FIRRM: variants seen among roughly 807,000 people sequenced by gnomAD.
FIRRM encodes FIGNL1-interacting regulator of recombination and mitosis.
the FIRRM span, chr1:169,837,220 C>T: frequency 1.0e-5 from 8 of 780,796 alleles, no homozygotes; most frequent in Non-Finnish European, 1.3e-5. Flanking sequence ...TCTCTGTTCT[C>T]TGTTTCTGTT....
chr1:169,824,580 G>A, the FIRRM span, among the ~76,000 whole-genome samples: 1 of 152,164 alleles, frequency 6.6e-6, no homozygotes, highest in African/African-American at 2.4e-5. Flanking sequence ...CAGGCTTTCT[G>A]TACCAACACT....
the FIRRM span, among the ~76,000 whole-genome samples, chr1:169,807,482 A>G: frequency 1.3e-5 from 2 of 152,222 alleles, no homozygotes; most frequent in East Asian, 3.8e-4. Flanking sequence ...ATGCTAGACC[A>G]CAAGTTTCAT....
At chr1:169,799,785 T>A in the FIRRM span, among the ~76,000 whole-genome samples, 1 of 152,150 alleles carries the variant, frequency 6.6e-6, no homozygotes, top group Non-Finnish European at 1.5e-5. Context: ...ACTCCTGAGC[T>A]CAAGTGATCC....
At chr1:169,840,717 A>G in the FIRRM span, among the ~76,000 whole-genome samples, 4 of 151,886 alleles carry the variant, frequency 2.6e-5, no homozygotes, top group African/African-American at 9.7e-5. Flanking sequence ...TCACTGTGTT[A>G]GCCAGGATGG....
the FIRRM span, among the ~76,000 whole-genome samples, chr1:169,814,354 TGTA>T: frequency 1.3e-5 from 2 of 152,222 alleles, no homozygotes; most frequent in African/African-American, 2.4e-5. Flanking sequence ...TGGTACATAT[TGTA>T]GTACTATTAG....
chr1:169,815,644 C>A, the FIRRM span, among the ~76,000 whole-genome samples: 1 of 152,208 alleles, frequency 6.6e-6, no homozygotes, highest in Admixed American at 6.5e-5. Context: ...TTTTGGCCAG[C>A]TTCTCTACTG....
At chr1:169,853,102 A>ATCTT in the FIRRM span, 1 of 967,442 alleles carries the variant, frequency 1.0e-6, no homozygotes, top group South Asian at 1.6e-5. Flanking sequence ...AGTGAAAATA[A>ATCTT]TCTTTATTTG....
the FIRRM span, among the ~76,000 whole-genome samples, chr1:169,801,613 A>G: frequency 3.4e-5 from 5 of 148,398 alleles, no homozygotes; most frequent in South Asian, 4.3e-4. Context: ...AAAAAAAAAA[A>G]AAAAGAAAAG....
At chr1:169,853,815 C>T in the FIRRM span, 1 of 1,590,726 alleles carries the variant, frequency 6.3e-7, no homozygotes, top group East Asian at 2.2e-5. Context: ...TGAAACAAAT[C>T]ATATGCAAAA....
chr1:169,844,578 G>C, the FIRRM span, among the ~76,000 whole-genome samples: 1 of 152,188 alleles, frequency 6.6e-6, no homozygotes, highest in African/African-American at 2.4e-5. Flanking sequence ...TTTAGTAGCT[G>C]TTTTTAATGG....
At chr1:169,806,964 A>G in the FIRRM span, among the ~76,000 whole-genome samples, 2 of 152,194 alleles carry the variant, frequency 1.3e-5, no homozygotes, top group African/African-American at 2.4e-5. Context: ...CCACATCACT[A>G]TCATCATCAC....
chr1:169,821,692 A>G, the FIRRM span: 3 of 1,610,866 alleles, frequency 1.9e-6, no homozygotes, highest in South Asian at 3.3e-5. Context: ...AATGCTGACT[A>G]CAGATTATTT....
chr1:169,815,333 C>T, the FIRRM span, among the ~76,000 whole-genome samples: 3 of 151,772 alleles, frequency 2.0e-5, no homozygotes, highest in Non-Finnish European at 2.9e-5. Context: ...AATGGTTACT[C>T]CATAGGTGGA....
the FIRRM span, chr1:169,830,594 T>C: frequency 8.5e-7 from 1 of 1,171,792 alleles, no homozygotes; most frequent in East Asian, 2.4e-5. Context: ...TAATGGCAGT[T>C]TTTAATGTCC....
the FIRRM span, chr1:169,843,857 C>T: frequency 2.7e-6 from 2 of 751,310 alleles, no homozygotes; most frequent in Non-Finnish European, 2.3e-6. Flanking sequence ...GAAATAGTTC[C>T]TTTAAACCTC....
At chr1:169,813,989 C>T in the FIRRM span, among the ~76,000 whole-genome samples, 4 of 152,160 alleles carry the variant, frequency 2.6e-5, no homozygotes, top group African/African-American at 9.7e-5. Context: ...AAGAATGACT[C>T]AATTTTTGTA....
chr1:169,852,058 A>G, the FIRRM span: 4 of 1,368,896 alleles, frequency 2.9e-6, no homozygotes, highest in Admixed American at 7.6e-5. Flanking sequence ...AAATAGATCT[A>G]GACATGTAAA....
At chr1:169,813,654 C>A in the FIRRM span, among the ~76,000 whole-genome samples, 18 of 152,244 alleles carry the variant, frequency 1.2e-4, no homozygotes, top group Admixed American at 3.9e-4. Context: ...TTCATGCAGA[C>A]CAATTGTTCG....
chr1:169,826,885 G>A, the FIRRM span, among the ~76,000 whole-genome samples: 70 of 152,140 alleles, frequency 4.6e-4, no homozygotes, highest in African/African-American at 1.7e-3. Flanking sequence ...TCCAATTCTG[G>A]TATCAATTCA....
Sources: gnomAD v4.1 joint callset for allele counts (sites outside exome capture counted in the v4.1 genomes callset) on GRCh38, gnomAD v4.1.1 for gene constraint, MANE v1.5 for transcripts, NCBI Gene and HGNC (gene_info 2026-07-23, HGNC 2026-07-21) for gene names.